Variants in FIP1L1 observed in about 807,000 individuals in gnomAD.
FIP1L1 encodes the protein pre-mRNA 3'-end-processing factor FIP1.
FIP1L1 carries 21 observed loss-of-function variants against 84.6 expected under a neutral mutation model. The observed-to-expected ratio is 0.25, with a 90% CI of 0.18 to 0.36. The LOEUF (loss-of-function observed/expected upper bound fraction) is 0.36. Among genes scored for constraint, FIP1L1 ranks in the 10% least tolerant of loss-of-function variants. The probability of loss-of-function intolerance (pLI) is 1.00; values close to 1 mark genes in which losing one functional copy is unlikely to be tolerated. For missense variants in FIP1L1, 526 were observed against 751.1 expected, an observed-to-expected ratio of 0.70 and a Z score of 3.50; for synonymous variants, 263 against 242.3, an observed-to-expected ratio of 1.09 and a Z score of -0.80.
intron 13 of FIP1L1, chr4:53,440,695 G>A: frequency 1.1e-6 from 1 of 909,200 alleles, no homozygotes; most frequent in Non-Finnish European, 1.8e-6. Context: ...TGTTGATGCG[G>A]TTAGAATATG....
chr4:53,440,282 C>T (rs1301428822), intron 13 of FIP1L1, among the ~76,000 whole-genome samples: 1 of 151,952 alleles, frequency 6.6e-6, no homozygotes, highest in East Asian at 1.9e-4. Flanking sequence ...TAAGGATTAA[C>T]TTCATGGCAT....
chr4:53,416,085 A>C (rs537814761), intron 11 of FIP1L1, among the ~76,000 whole-genome samples: 120 of 152,364 alleles, frequency 7.9e-4, no homozygotes, highest in African/African-American at 2.8e-3. Flanking sequence ...TAGATCTGAC[A>C]AGTGTAGAAT....
rs577337737 is a variant in FIP1L1, at chr4:53,459,792, TAATC to T, written c.*346_*349del. On this transcript the variant is annotated 3_prime_UTR_variant, in exon 18 of 18. Transcript: ENST00000337488. Reference sequence around the variant, plus strand: ...TCCACTTGGGCCACAGTTTTTTTGTTAATCAAACACCACTCTCTTAAGAGGCTGC... The same window carrying T: ...TCCACTTGGGCCACAGTTTTTTTGTTAAACACCACTCTCTTAAGAGGCTGC... 1 of 318,274 alleles carries T rather than the reference TAATC, an allele frequency of 3.1e-6. No homozygotes were observed. Among genetic ancestry groups the T allele is most frequent in the South Asian group, 4.9e-5 (1 of 20,578 alleles). 19.7% of individuals were successfully genotyped at this position (318,274 alleles called of 1,614,324 possible). A position where few individuals can be genotyped will look rare whatever the true frequency, so the allele number is the denominator to read the frequency against.
intron 16 of FIP1L1, among the ~76,000 whole-genome samples, chr4:53,455,314 G>A (rs1236638110): frequency 2.6e-5 from 4 of 152,096 alleles, no homozygotes; most frequent in Admixed American, 2.6e-4. Context: ...TGGCACATGA[G>A]GGCTAGACTT....
chr4:53,457,754 G>A (rs1720067954), intron 16 of FIP1L1, among the ~76,000 whole-genome samples: 1 of 152,042 alleles, frequency 6.6e-6, no homozygotes, highest in Non-Finnish European at 1.5e-5. Context: ...TTAAGTTGTA[G>A]AAAGTGTTGA....
At chr4:53,399,405 A>G (rs1393958052) in intron 9 of FIP1L1, among the ~76,000 whole-genome samples, 3 of 152,220 alleles carry the variant, frequency 2.0e-5, no homozygotes, top group Non-Finnish European at 4.4e-5. Context: ...AATTCGAAAC[A>G]TGAAGTCATA....
At position 53,459,482 on chromosome 4, in the gene FIP1L1, C is replaced by CAGA. The variant is rs1339969356; in HGVS notation, c.*36_*38dup. On this transcript the variant is annotated 3_prime_UTR_variant, in exon 18 of 18. Coordinates refer to ENST00000337488, the MANE Select transcript of FIP1L1 (RefSeq NM_030917.4). ...TTTGGCCTTTTGTGTATATTAGTAC[C>CAGA]AGAAGTAGATACTATAAATCTTGTT... 3 of 1,612,484 alleles carry CAGA rather than the reference C, an allele frequency of 1.9e-6. No individual in the cohort carries two copies. The highest frequency in any genetic ancestry group is 3.3e-5 in the Admixed American group (2 of 59,924).
intron 6 of FIP1L1, among the ~76,000 whole-genome samples, 187 bp downstream of exon 6, chr4:53,390,060 T>A (rs764195266): frequency 3.3e-5 from 5 of 152,066 alleles, no homozygotes; most frequent in African/African-American, 7.2e-5. Context: ...CACTTCACCT[T>A]CTCAAGTAGC....
chr4:53,437,631 G>A (rs1334806822), intron 13 of FIP1L1, among the ~76,000 whole-genome samples: 1 of 151,892 alleles, frequency 6.6e-6, no homozygotes, highest in African/African-American at 2.4e-5. Context: ...AAATTCTAGG[G>A]GAAGGGCCCA....
rs1759987804 is a variant in FIP1L1 at position 53,417,453 on chromosome 4, C to T, written c.923+2731C>T. On this transcript the variant is annotated intron_variant, in intron 11 of 17. Transcript: ENST00000337488. ...GGTCAGGAGTTGGAGACCAGCCTGA[C>T]CAACATGGAGAAACCCCGTCTCTAC... Among the ~76,000 whole-genome samples, 4 of 151,806 alleles carry T rather than the reference C, an allele frequency of 2.6e-5. No individual in the cohort carries two copies. The South Asian group carries it at 8.3e-4, about 32-fold the overall frequency.
intron 6 of FIP1L1, 123 bp from the exon 7 acceptor site, chr4:53,390,398 T>C: frequency 1.7e-6 from 1 of 572,132 alleles, no homozygotes; most frequent in Non-Finnish European, 3.0e-6. Flanking sequence ...AGATGTTTGT[T>C]TTCTGTTTGT....
At chr4:53,383,205 T>TAA (rs889015338) in intron 4 of FIP1L1, among the ~76,000 whole-genome samples, 1 of 149,122 alleles carries the variant, frequency 6.7e-6, no homozygotes, top group Non-Finnish European at 1.5e-5. Flanking sequence ...ATATGATAGT[T>TAA]AAAAAAAAAA....
chr4:53,446,383 A>G (rs1311023042), intron 15 of FIP1L1, among the ~76,000 whole-genome samples: 1 of 152,140 alleles, frequency 6.6e-6, no homozygotes, highest in South Asian at 2.1e-4. Context: ...TAAACCATCA[A>G]ATGTTACCTG....
intron 15 of FIP1L1, among the ~76,000 whole-genome samples, chr4:53,449,551 T>C (rs1482502722): frequency 6.6e-6 from 1 of 152,188 alleles, no homozygotes; most frequent in Non-Finnish European, 1.5e-5. Context: ...TCTAAGTTTA[T>C]ATGTATAATA....
intron 6 of FIP1L1, 61 bp from the exon 7 acceptor site, chr4:53,390,460 C>T: frequency 1.0e-6 from 1 of 974,058 alleles, no homozygotes; most frequent in Non-Finnish European, 1.6e-6. Flanking sequence ...TTCTGTTTGT[C>T]TATGGTATCG....
intron 5 of FIP1L1, among the ~76,000 whole-genome samples, chr4:53,387,291 T>C (rs1424630114): frequency 1.3e-5 from 2 of 152,206 alleles, no homozygotes; most frequent in Non-Finnish European, 2.9e-5. Context: ...AGTAAGATCC[T>C]GTCTCAAAGA....
chr4:53,442,643 A>G lies in FIP1L1; in HGVS notation c.1175-10A>G, dbSNP rs1772478814. 4 of 1,586,886 alleles carry G rather than the reference A, an allele frequency of 2.5e-6. No homozygotes were observed. The highest frequency in any genetic ancestry group is 3.5e-6 in the Non-Finnish European group (4 of 1,156,066). ...GTTAACATTTTTTATCTTATGATTG[A>G]ATGTTTCAGGTTTTCCTCCTCCACC... On this transcript the variant is annotated splice_polypyrimidine_tract_variant and intron_variant, in intron 13 of 17. Transcript: ENST00000337488.
At chr4:53,414,594 A>T (rs1488437740) in intron 10 of FIP1L1, 21 bp from the exon 11 acceptor site, 3 of 1,566,006 alleles carry the variant, frequency 1.9e-6, no homozygotes, top group African/African-American at 1.4e-5. Flanking sequence ...AAGAAAAAAC[A>T]TAGAAAATTT....
chr4:53,390,561 C>T lies in FIP1L1; in HGVS notation c.438C>T (p.Ser146=), dbSNP rs1485910867. 1.2e-6 allele frequency: 2 copies of T among 1,613,240 alleles called. No homozygotes were observed. Among genetic ancestry groups the T allele is most frequent in the Admixed American group, 1.7e-5 (1 of 59,976 alleles). The part of the protein sequence containing the change: ...VKGVDLDAPG[S]INGVPLLEVD... ...GAGTAGACCTTGATGCACCTGGAAG[C>T]ATTAATGGAGTTCCACTCTTAGAGG... is the stretch of plus-strand genomic sequence containing the variant. Residue 146 remains serine, a synonymous_variant, in exon 7 of 18, where the codon AGC becomes AGT. Coordinates refer to ENST00000337488, the MANE Select transcript of FIP1L1 (RefSeq NM_030917.4).
Sources: gnomAD v4.1 joint callset for allele counts (sites outside exome capture counted in the v4.1 genomes callset) on GRCh38, gnomAD v4.1.1 for gene constraint, MANE v1.5 for transcripts, NCBI Gene and HGNC (gene_info 2026-07-23, HGNC 2026-07-21) for gene names.